Variants in TNNI3K observed in about 807,000 individuals in gnomAD.
The protein encoded by TNNI3K is TNNI3 interacting kinase.
A neutral mutation model predicts 114.5 loss-of-function variants in TNNI3K; 140 were observed. That is an observed-to-expected ratio of 1.22 (90% CI 1.07 to 1.41). TNNI3K has a LOEUF of 1.41. Among genes scored for constraint, TNNI3K ranks in the 40% most tolerant of loss-of-function variants. The pLI, the probability that TNNI3K is intolerant of heterozygous loss-of-function variation, is 0.00. For missense variants in TNNI3K, 1,125 were observed against 1,007.6 expected, an observed-to-expected ratio of 1.12 and a Z score of -1.58; for synonymous variants, 347 against 347.5, an observed-to-expected ratio of 1.00 and a Z score of 0.02.
intron 17 of TNNI3K, among the ~76,000 whole-genome samples, chr1:74,387,087 T>A (rs1229712742): frequency 6.6e-6 from 1 of 152,226 alleles, no homozygotes; most frequent in Non-Finnish European, 1.5e-5. Flanking sequence ...TAACAGATAG[T>A]TTTTGCTGAA....
chr1:74,523,069 A>G (rs888643476), intron 23 of TNNI3K, among the ~76,000 whole-genome samples: 8 of 152,216 alleles, frequency 5.3e-5, no homozygotes, highest in Non-Finnish European at 1.2e-4. Flanking sequence ...AGTGAGCTTC[A>G]GTATAGGTTC....
At chr1:74,285,221 CT>C (rs1163921209) in intron 5 of TNNI3K, among the ~76,000 whole-genome samples, 1 of 152,158 alleles carries the variant, frequency 6.6e-6, no homozygotes, top group Non-Finnish European at 1.5e-5. Context: ...TAACACATGG[CT>C]TTGGTAAAGG....
chr1:74,300,269 G>GA (rs1557483664), intron 5 of TNNI3K, among the ~76,000 whole-genome samples: 1 of 152,122 alleles, frequency 6.6e-6, no homozygotes, highest in South Asian at 2.1e-4. Flanking sequence ...TTTTCTGTGA[G>GA]AAAAAATGAC....
intron 23 of TNNI3K, among the ~76,000 whole-genome samples, chr1:74,498,845 G>A (rs1280001415): frequency 6.6e-6 from 1 of 151,982 alleles, no homozygotes; most frequent in Non-Finnish European, 1.5e-5. Context: ...CATTCCCTGT[G>A]TGTTTTTTAA....
intron 5 of TNNI3K, among the ~76,000 whole-genome samples, chr1:74,308,292 A>C (rs1178966500): frequency 1.3e-5 from 2 of 152,138 alleles, no homozygotes; most frequent in African/African-American, 4.8e-5. Context: ...ATTTCAAAAA[A>C]CTGAAACTAT....
intron 5 of TNNI3K, among the ~76,000 whole-genome samples, chr1:74,281,822 T>G (rs1657033985): frequency 1.3e-5 from 2 of 150,804 alleles, no homozygotes; most frequent in Admixed American, 1.3e-4. Context: ...TCATATGGTT[T>G]AGATGAGTCT....
chr1:74,464,973 A>T, intron 21 of TNNI3K: 1 of 1,213,990 alleles, frequency 8.2e-7, no homozygotes. Flanking sequence ...TGATGTCCAG[A>T]AAATTTCATC....
At chr1:74,244,050 A>C (rs1654403942) in intron 2 of TNNI3K, among the ~76,000 whole-genome samples, 1 of 152,184 alleles carries the variant, frequency 6.6e-6, no homozygotes, top group African/African-American at 2.4e-5. Flanking sequence ...TTGCTTAAAT[A>C]TCTTGAATAT....
In TNNI3K at chr1:74,250,904, C is replaced by T. The variant is rs367618374; in HGVS notation, c.333+135C>T. On this transcript the variant is annotated intron_variant, in intron 4 of 24. Coordinates refer to ENST00000326637, the MANE Select transcript of TNNI3K (RefSeq NM_015978.3). ...CCAGAGGCGTTACATTACTAAAGGA[C>T]TTCTTTCTCTTTATTGAGCAGATAC... is the stretch of plus-strand genomic sequence containing the variant. 8.4e-5 allele frequency: 55 copies of T among 651,918 alleles called. 1 individual carries two copies. In the African/African-American group the frequency reaches 8.9e-4, roughly 11 times the overall value. The allele number at this position is 651,918 out of a possible 1,614,324, so 40.4% of individuals were successfully genotyped here.
chr1:74,241,642 A>G (rs1247101629), intron 2 of TNNI3K, among the ~76,000 whole-genome samples: 1 of 151,942 alleles, frequency 6.6e-6, no homozygotes, highest in African/African-American at 2.4e-5. Context: ...TTTCTTGTAA[A>G]TTTGTTTGAG....
intron 4 of TNNI3K, among the ~76,000 whole-genome samples, chr1:74,254,731 G>A (rs7542922): frequency 2.0e-5 from 3 of 152,044 alleles, no homozygotes; most frequent in East Asian, 1.9e-4. Context: ...CTTGGATCTC[G>A]CGCAAGAAAG....
At chr1:74,445,052 T>C (rs1348184971) in intron 20 of TNNI3K, among the ~76,000 whole-genome samples, 1 of 152,056 alleles carries the variant, frequency 6.6e-6, no homozygotes, top group Non-Finnish European at 1.5e-5. Flanking sequence ...ATTAAAGACT[T>C]AAATGTAAAA....
intron 23 of TNNI3K, among the ~76,000 whole-genome samples, chr1:74,523,244 CA>C (rs1200811010): frequency 6.6e-6 from 1 of 152,138 alleles, no homozygotes; most frequent in Non-Finnish European, 1.5e-5. Context: ...AATTTTCTAA[CA>C]CCTATGATTT....
intron 17 of TNNI3K, among the ~76,000 whole-genome samples, chr1:74,412,646 A>T (rs1484663550): frequency 6.6e-6 from 1 of 151,906 alleles, no homozygotes; most frequent in Non-Finnish European, 1.5e-5. Context: ...ATGGAGTCTC[A>T]CTCTGTCTCC....
At chr1:74,283,198 T>G (rs1657118186) in intron 5 of TNNI3K, among the ~76,000 whole-genome samples, 1 of 152,180 alleles carries the variant, frequency 6.6e-6, no homozygotes, top group Non-Finnish European at 1.5e-5. Flanking sequence ...TTCTGTGGCA[T>G]TCGAAAATGG....
At chr1:74,472,152 G>A (rs192017330) in intron 21 of TNNI3K, 4 of 717,124 alleles carry the variant, frequency 5.6e-6, no homozygotes, top group East Asian at 5.4e-5. Context: ...CTCCTGCCAA[G>A]GCTGAAGCGG....
intron 17 of TNNI3K, among the ~76,000 whole-genome samples, chr1:74,393,222 G>A (rs934162050): frequency 3.9e-5 from 6 of 151,952 alleles, no homozygotes; most frequent in Admixed American, 3.3e-4. Context: ...AGTGGAGAAG[G>A]ACAGGAATAT....
intron 20 of TNNI3K, among the ~76,000 whole-genome samples, chr1:74,453,727 C>T (rs1241001064): frequency 6.6e-6 from 1 of 152,082 alleles, no homozygotes; most frequent in East Asian, 1.9e-4. Flanking sequence ...CATCCACCAC[C>T]TTAAAGGTCA....
chr1:74,259,081 T>C (rs1286322937), intron 4 of TNNI3K, among the ~76,000 whole-genome samples: 1 of 152,224 alleles, frequency 6.6e-6, no homozygotes, highest in Non-Finnish European at 1.5e-5. Context: ...CAACCAGTAC[T>C]ATTCAGGCGT....
Sources: gnomAD v4.1 joint callset for allele counts (sites outside exome capture counted in the v4.1 genomes callset) on GRCh38, gnomAD v4.1.1 for gene constraint, MANE v1.5 for transcripts, NCBI Gene and HGNC (gene_info 2026-07-23, HGNC 2026-07-21) for gene names.